PDE1C: variants seen among roughly 807,000 people sequenced by gnomAD.
PDE1C encodes the protein dual specificity calcium/calmodulin-dependent 3',5'-cyclic nucleotide phosphodiesterase 1C.
Under a neutral mutation model 93.1 loss-of-function variants are expected in PDE1C, and 62 were observed. The observed-to-expected ratio is 0.67, with a 90% CI of 0.54 to 0.82. The LOEUF (loss-of-function observed/expected upper bound fraction) is 0.82, where lower values mean the gene tolerates loss of function less well. PDE1C is among the 40% of genes least tolerant of loss of function. PDE1C has a pLI of 0.00. For synonymous variants in PDE1C, 325 were observed against 310.1 expected (o/e 1.05, Z -0.50); for missense variants, 742 against 884.6 (o/e 0.84, Z 2.04).
In PDE1C at chr7:31,822,758, T is replaced by A. The variant is rs77482150; in HGVS notation, c.1582+315A>T. Among the ~76,000 whole-genome samples the A allele has an allele frequency of 5.1e-3, 771 of 152,244 alleles. 4 individuals carry two copies. The highest frequency in any genetic ancestry group is 0.018 in the African/African-American group (735 of 41,558). ...AAAGCCTCACAGTTGTGCCACATGA[T>A]ATCAAGTGAAAACGACAAGATGTTT... On this transcript the variant is annotated intron_variant, in intron 14 of 17. Coordinates refer to ENST00000396191, the MANE Select transcript of PDE1C (RefSeq NM_001191057.4).
intron 1 of PDE1C, among the ~76,000 whole-genome samples, chr7:32,374,309 A>AAGAG (rs61357676): frequency 1.1e-3 from 168 of 146,614 alleles, no homozygotes; most frequent in African/African-American, 4.1e-3. Context: ...GAAAGAAAGA[A>AAGAG]GAAAAGAAAA....
chr7:32,090,182 A>C (rs2392017), intron 3 of PDE1C, among the ~76,000 whole-genome samples: 86,459 of 149,520 alleles, frequency 0.58, 24,842 homozygotes, highest in South Asian at 0.67. Flanking sequence ...AATAACATAA[A>C]TAAAAAAATA....
intron 2 of PDE1C, among the ~76,000 whole-genome samples, chr7:31,973,589 T>C (rs1332581153): frequency 1.3e-5 from 2 of 152,194 alleles, no homozygotes; most frequent in Non-Finnish European, 2.9e-5. Flanking sequence ...ATACAAGCCC[T>C]TTGACAAATA....
chr7:32,036,858 G>A (rs1563230133), intron 2 of PDE1C, among the ~76,000 whole-genome samples: 1 of 152,190 alleles, frequency 6.6e-6, no homozygotes, highest in Admixed American at 6.5e-5. Context: ...TTTTTGAAAT[G>A]TAAATCCACA....
At chr7:32,248,901 T>G (rs974115736) in intron 1 of PDE1C, among the ~76,000 whole-genome samples, 21 of 152,132 alleles carry the variant, frequency 1.4e-4, no homozygotes, top group African/African-American at 5.1e-4. Flanking sequence ...ACATGAGACA[T>G]GTTGGGTAGG....
chr7:32,000,027 T>G (rs1416557774), intron 2 of PDE1C, among the ~76,000 whole-genome samples: 1 of 152,180 alleles, frequency 6.6e-6, no homozygotes, highest in African/African-American at 2.4e-5. Context: ...TTTGGCAAGC[T>G]GCTCAGCCCC....
rs765601284 is a variant in PDE1C at position 32,386,360 on chromosome 7, G to T, written c.310+41462C>A. ...TGCCTATTTAATTAAAAAATGGAAT[G>T]ATGTGATTTCTATAGCCTGGTTCTC... On this transcript the variant is annotated intron_variant, in intron 1 of 1. Coordinates refer to the PDE1C transcript ENST00000672256. Among the ~76,000 whole-genome samples, 243 of 81,942 alleles carry T rather than the reference G, an allele frequency of 3.0e-3. 1 individual carries two copies. Among genetic ancestry groups the T allele is most frequent in the Non-Finnish European group, 4.5e-3 (190 of 42,494 alleles). 53.8% of individuals were successfully genotyped at this position (81,942 alleles called of 152,430 possible).
At chr7:31,744,445 C>G in the PDE1C span, among the ~76,000 whole-genome samples, 1 of 152,048 alleles carries the variant, frequency 6.6e-6, no homozygotes, top group Non-Finnish European at 1.5e-5. Context: ...TGAAGGATTC[C>G]CTGAAACTCA....
chr7:32,315,950 G>A (rs181418505), intron 1 of PDE1C, among the ~76,000 whole-genome samples: 7 of 152,194 alleles, frequency 4.6e-5, no homozygotes, highest in African/African-American at 1.2e-4. Flanking sequence ...AGCCAAGATC[G>A]TGCCATTGCA....
chr7:31,772,004 C>T (rs1204045256), intron 17 of PDE1C, among the ~76,000 whole-genome samples: 3 of 150,244 alleles, frequency 2.0e-5, no homozygotes, highest in Non-Finnish European at 3.0e-5. Flanking sequence ...CGAGATAGCG[C>T]CACTGCACTC....
At chr7:31,783,479 A>G (rs951362016) in intron 16 of PDE1C, 8 of 152,182 alleles carry the variant, frequency 5.3e-5, no homozygotes, top group African/African-American at 1.9e-4. Context: ...ACAATGGGAA[A>G]CATTCAAAGA....
intron 2 of PDE1C, among the ~76,000 whole-genome samples, chr7:32,032,593 C>T (rs1337873302): frequency 1.3e-5 from 2 of 152,146 alleles, no homozygotes; most frequent in Admixed American, 1.3e-4. Flanking sequence ...AATATCAGCT[C>T]TACCAAGAAG....
chr7:32,397,429 T>C (rs1354293581), intron 1 of PDE1C, among the ~76,000 whole-genome samples: 6 of 152,146 alleles, frequency 3.9e-5, no homozygotes, highest in Admixed American at 3.9e-4. Flanking sequence ...CAACATATTG[T>C]CAAGGCTGGA....
At chr7:32,342,015 C>G (rs1783766979) in intron 1 of PDE1C, among the ~76,000 whole-genome samples, 1 of 151,736 alleles carries the variant, frequency 6.6e-6, no homozygotes, top group Non-Finnish European at 1.5e-5. Flanking sequence ...ATAATACTAA[C>G]TCTGGAAAGA....
At chr7:31,722,640 T>C in the PDE1C span, among the ~76,000 whole-genome samples, 2 of 152,148 alleles carry the variant, frequency 1.3e-5, no homozygotes, top group African/African-American at 4.8e-5. Flanking sequence ...ATCTGAAGAA[T>C]GCACGGGAGC....
intron 1 of PDE1C, among the ~76,000 whole-genome samples, chr7:32,313,037 G>T (rs1160306583): frequency 1.3e-5 from 2 of 151,584 alleles, no homozygotes; most frequent in East Asian, 3.9e-4. Flanking sequence ...AATCTACAAT[G>T]AACTCAAACA....
chr7:32,169,305 G>T (rs1344179799), intron 3 of PDE1C, among the ~76,000 whole-genome samples: 1 of 152,150 alleles, frequency 6.6e-6, no homozygotes, highest in Admixed American at 6.5e-5. Context: ...AGAGTAAACA[G>T]CCACCTGGGA....
intron 1 of PDE1C, among the ~76,000 whole-genome samples, chr7:32,355,998 T>G (rs1280856621): frequency 1.3e-5 from 2 of 152,206 alleles, no homozygotes. Flanking sequence ...TGTTCCTCAT[T>G]GAGAGAAAAT....
At chr7:32,407,339 T>C (rs985444298) in intron 1 of PDE1C, among the ~76,000 whole-genome samples, 1 of 152,140 alleles carries the variant, frequency 6.6e-6, no homozygotes. Flanking sequence ...CCAAATTTTA[T>C]CATTTCTGAA....
Sources: allele counts gnomAD v4.1 joint callset (sites outside exome capture counted in the v4.1 genomes callset), GRCh38; gene constraint gnomAD v4.1.1; transcripts MANE v1.5; gene names NCBI Gene and HGNC (gene_info 2026-07-23, HGNC 2026-07-21).